The following ATP10B variants were observed in gnomAD, a reference collection of about 807,000 sequenced individuals.
ATP10B encodes the protein phospholipid-transporting ATPase VB.
ATP10B carries 122 observed loss-of-function variants against 141.2 expected under a neutral mutation model. That is an observed-to-expected ratio of 0.86 (90% CI 0.75 to 1.00). The LOEUF (loss-of-function observed/expected upper bound fraction) is 1.00. Ranked by LOEUF, ATP10B falls within the 50% of genes least tolerant of loss-of-function variation. The pLI is 0.00. For missense variants in ATP10B, 1,876 were observed against 1,825.3 expected (o/e 1.03, Z -0.51); for synonymous variants, 685 against 692.0 (o/e 0.99, Z 0.16).
At chr5:160,594,192 A>G (rs1363400782) in intron 22 of ATP10B, among the ~76,000 whole-genome samples, 1 of 152,244 alleles carries the variant, frequency 6.6e-6, no homozygotes, top group Non-Finnish European at 1.5e-5. Context: ...CTGATCTCTC[A>G]GCAGAAACTC....
chr5:160,792,179 G>A (rs1239023719), intron 1 of ATP10B, among the ~76,000 whole-genome samples: 3 of 151,948 alleles, frequency 2.0e-5, no homozygotes, highest in East Asian at 1.9e-4. Flanking sequence ...ATTTTATGTG[G>A]GCATTGCTAC....
At chr5:160,613,194 A>G (rs1757818320) in intron 17 of ATP10B, among the ~76,000 whole-genome samples, 1 of 152,200 alleles carries the variant, frequency 6.6e-6, no homozygotes, top group African/African-American at 2.4e-5. Context: ...TTCACCTGGA[A>G]AATCAGGGTG....
intron 2 of ATP10B, among the ~76,000 whole-genome samples, chr5:160,734,240 T>C (rs780816296): frequency 6.6e-6 from 1 of 152,000 alleles, no homozygotes; most frequent in Non-Finnish European, 1.5e-5. Flanking sequence ...TTCTTCAGGC[T>C]ATAGCAGAAG....
chr5:160,741,317 C>A (rs1422798850), intron 2 of ATP10B, among the ~76,000 whole-genome samples: 1 of 152,218 alleles, frequency 6.6e-6, no homozygotes, highest in East Asian at 1.9e-4. Flanking sequence ...TTTGTTAATG[C>A]CATTAGTCAA....
At chr5:160,566,424 C>A (rs891906535) in intron 25 of ATP10B, among the ~76,000 whole-genome samples, 1 of 152,144 alleles carries the variant, frequency 6.6e-6, no homozygotes, top group Non-Finnish European at 1.5e-5. Flanking sequence ...TTTTAGAATC[C>A]ACATTCTTTT....
chr5:160,577,129 T>C (rs1266745640), intron 24 of ATP10B, among the ~76,000 whole-genome samples: 1 of 152,230 alleles, frequency 6.6e-6, no homozygotes, highest in African/African-American at 2.4e-5. Context: ...CAAGTGACAG[T>C]GTGCCTGACA....
chr5:160,829,418 A>G (rs1023803655), intron 1 of ATP10B, among the ~76,000 whole-genome samples: 1 of 152,090 alleles, frequency 6.6e-6, no homozygotes, highest in African/African-American at 2.4e-5. Context: ...CTTTTTGCTC[A>G]GGATTGCTAT....
chr5:160,776,439 A>G lies in ATP10B; in HGVS notation c.-331+9120T>C, dbSNP rs915956325. Among the ~76,000 whole-genome samples the G allele has an allele frequency of 7.9e-5, 12 of 152,340 alleles. 1 individual carries two copies. Among genetic ancestry groups the G allele is most frequent in the African/African-American group, 2.6e-4 (11 of 41,578 alleles). On this transcript the variant is annotated intron_variant, in intron 2 of 25. Coordinates refer to ENST00000327245, the MANE Select transcript of ATP10B (RefSeq NM_025153.3). ...ACTATATGCCAGGCACTGGCTAGGTATGTCCCAGGGGCTACATTGTCTGAT... is the reference window on the plus strand; with the variant it reads ...ACTATATGCCAGGCACTGGCTAGGTGTGTCCCAGGGGCTACATTGTCTGAT...
chr5:160,634,132 T>C (rs754440076), intron 12 of ATP10B: 1 of 711,330 alleles, frequency 1.4e-6, no homozygotes, highest in Admixed American at 2.1e-5. Flanking sequence ...GGGAACCACA[T>C]ATGGGATAAC....
rs146567972 is a variant in ATP10B at position 160,724,415 on chromosome 5, A to T, written c.-330-7381T>A. 3.2e-3 allele frequency among the ~76,000 whole-genome samples: 486 copies of T among 152,212 alleles called. 2 individuals are homozygous for T. The highest frequency in any genetic ancestry group is 0.011 in the African/African-American group (463 of 41,522). On this transcript the variant is annotated intron_variant, in intron 2 of 25. Coordinates refer to ENST00000327245, the MANE Select transcript of ATP10B (RefSeq NM_025153.3). The stretch of plus-strand genomic sequence containing the variant: ...TGGAATTACAGGAAGGGGCCAGTGT[A>T]CCTGGCCACATCCTTAAAAATATGT...
At chr5:160,651,482 C>T (rs997069255) in intron 7 of ATP10B, among the ~76,000 whole-genome samples, 10 of 151,998 alleles carry the variant, frequency 6.6e-5, no homozygotes, top group Non-Finnish European at 1.0e-4. Context: ...ATCACCTGCC[C>T]TGCCCATCTT....
intron 21 of ATP10B, among the ~76,000 whole-genome samples, chr5:160,599,844 G>A (rs772059319): frequency 7.9e-5 from 12 of 152,190 alleles, no homozygotes; most frequent in Non-Finnish European, 1.6e-4. Context: ...ATAAGCAGCT[G>A]GTCCTGGAGT....
At chr5:160,614,592 G>A (rs1390789444) in intron 17 of ATP10B, 1 of 152,244 alleles carries the variant, frequency 6.6e-6, no homozygotes, top group Non-Finnish European at 1.5e-5. Flanking sequence ...GGGACCTTAT[G>A]AGGTAGCAAG....
rs1162545358 is a variant in ATP10B, at chr5:160,620,547, A to G, written c.2216T>C (p.Val739Ala). ...HAAHAYSFTL[V>A]SRTPEQVTVR... ...AGTCACCTGCTCAGGTGTCCGGGACACTAGTGTGAAGCTGTAGGCATGGGC... is the reference window on the plus strand; with the variant it reads ...AGTCACCTGCTCAGGTGTCCGGGACGCTAGTGTGAAGCTGTAGGCATGGGC... Residue 739 changes from valine (V) to alanine (A), a missense_variant, in exon 15 of 26, where the codon GTG becomes GCG. Coordinates refer to ENST00000327245, the MANE Select transcript of ATP10B (RefSeq NM_025153.3). 6.2e-7 allele frequency: 1 copy of G among 1,614,138 alleles called. No homozygotes were observed. Among genetic ancestry groups the G allele is most frequent in the Non-Finnish European group, 8.5e-7 (1 of 1,179,998 alleles).
chr5:160,581,658 A>C (rs944061297), intron 24 of ATP10B, among the ~76,000 whole-genome samples: 1 of 152,194 alleles, frequency 6.6e-6, no homozygotes, highest in Non-Finnish European at 1.5e-5. Context: ...GTAGATGTCT[A>C]TTAGGTCTGC....
Position 160,620,768 on chromosome 5 carries a change from A to T in ATP10B, c.1995T>A (p.Asp665Glu), listed in dbSNP as rs773187307. The T allele has an allele frequency of 2.7e-5, 44 of 1,614,192 alleles. 1 individual carries two copies. The South Asian group carries it at 4.8e-4, about 18-fold the overall frequency. Residue 665 changes from aspartate (D) to glutamate (E), a missense_variant, in exon 15 of 26, where the codon GAT becomes GAA. Transcript: ENST00000327245. ...AGTCACCTCCACTGCACACAGATGC[A>T]TCATCTCTCTCATCCGAGTCTGTGG... Reference protein sequence around the residue: ...VATTDSDERDDASVCSGGDST... With the variant: ...VATTDSDERDEASVCSGGDST...
the ATP10B span, among the ~76,000 whole-genome samples, chr5:160,887,511 C>T: frequency 6.6e-6 from 1 of 152,142 alleles, no homozygotes; most frequent in African/African-American, 2.4e-5. Flanking sequence ...CCTCATCACT[C>T]CTCTGACCAG....
chr5:160,668,699 C>T (rs1192040441), intron 7 of ATP10B, among the ~76,000 whole-genome samples: 6 of 152,176 alleles, frequency 3.9e-5, no homozygotes, highest in Admixed American at 1.3e-4. Flanking sequence ...CAACTGCAGC[C>T]TCAGTAGCAG....
chr5:160,801,890 G>A (rs115642461), intron 1 of ATP10B, among the ~76,000 whole-genome samples: 1,647 of 152,294 alleles, frequency 0.011, 34 homozygotes, highest in African/African-American at 0.038. Context: ...TGGGAACAAT[G>A]CCTTCTTCAT....
Sources: allele counts gnomAD v4.1 joint callset (sites outside exome capture counted in the v4.1 genomes callset), GRCh38; gene constraint gnomAD v4.1.1; transcripts MANE v1.5; gene names NCBI Gene and HGNC (gene_info 2026-07-23, HGNC 2026-07-21).